Variants in COL22A1 observed in about 807,000 individuals in gnomAD.
COL22A1 encodes the protein collagen type XXII alpha 1 chain.
A neutral mutation model predicts 248.9 loss-of-function variants in COL22A1; 221 were observed. That is an observed-to-expected ratio of 0.89 (90% CI 0.80 to 0.99). COL22A1 has a LOEUF of 0.99. COL22A1 is among the 50% of genes least tolerant of loss of function. The pLI is 0.00. For missense variants in COL22A1, 2,240 were observed against 2,179.0 expected (o/e 1.03, Z -0.56); for synonymous variants, 891 against 793.4 (o/e 1.12, Z -2.07).
chr8:138,597,112 A>C (rs1289489600), intron 61 of COL22A1, 142 bp from the exon 62 acceptor site: 1 of 653,464 alleles, frequency 1.5e-6, no homozygotes, highest in Admixed American at 2.5e-5. Context: ...AATCTTTTCC[A>C]CATCTCTAAT....
At chr8:138,812,453 G>C (rs1194057659) in intron 8 of COL22A1, among the ~76,000 whole-genome samples, 1 of 152,186 alleles carries the variant, frequency 6.6e-6, no homozygotes, top group Non-Finnish European at 1.5e-5. Context: ...GGCAAAGAGG[G>C]TTGGAAAGGG....
chr8:138,761,011 T>A (rs1320275), intron 17 of COL22A1, among the ~76,000 whole-genome samples: 8,388 of 152,214 alleles, frequency 0.055, 746 homozygotes, highest in African/African-American at 0.18. Flanking sequence ...GAGGGCTTTG[T>A]ATAGGAAAAG....
In COL22A1 at chr8:138,805,234, G is replaced by A. The variant is rs183911903; in HGVS notation, c.1495-2300C>T. On this transcript the variant is annotated intron_variant, in intron 10 of 64. Coordinates refer to ENST00000303045, the MANE Select transcript of COL22A1 (RefSeq NM_152888.3). ...GGTGTGTGTGCATGTGTGTGAGATGGTGTGTGATGGTGTCTGATGATGTGA... is the reference window on the plus strand; with the variant it reads ...GGTGTGTGTGCATGTGTGTGAGATGATGTGTGATGGTGTCTGATGATGTGA... 2.8e-3 allele frequency among the ~76,000 whole-genome samples: 412 copies of A among 148,216 alleles called. 4 individuals carry two copies. Among genetic ancestry groups the A allele is most frequent in the African/African-American group, 9.8e-3 (393 of 40,076 alleles).
chr8:138,898,723 G>A (rs541891155), intron 1 of COL22A1, among the ~76,000 whole-genome samples: 5 of 152,202 alleles, frequency 3.3e-5, no homozygotes, highest in East Asian at 1.9e-4. Flanking sequence ...TAGAACATAC[G>A]TTCTGTAGCC....
chr8:138,761,296 G>T (rs1300035330), intron 17 of COL22A1, among the ~76,000 whole-genome samples: 1 of 152,130 alleles, frequency 6.6e-6, no homozygotes, highest in Non-Finnish European at 1.5e-5. Context: ...ACTGCACGAT[G>T]GATATTTTTA....
intron 32 of COL22A1, among the ~76,000 whole-genome samples, chr8:138,697,563 C>T (rs567725577): frequency 1.3e-5 from 2 of 152,334 alleles, no homozygotes; most frequent in Non-Finnish European, 2.9e-5. Context: ...AAACCACCAG[C>T]ACCCTGTCAC....
intron 30 of COL22A1, among the ~76,000 whole-genome samples, chr8:138,711,506 C>A (rs1828964133): frequency 6.6e-6 from 1 of 152,174 alleles, no homozygotes; most frequent in Admixed American, 6.5e-5. Flanking sequence ...TCTCGCTAAG[C>A]CTTTGCATTC....
At position 138,589,218 on chromosome 8, in the gene COL22A1, A is replaced by C. The variant is rs1249115470; in HGVS notation, c.*35T>G. 1 of 1,603,994 alleles carries C rather than the reference A, an allele frequency of 6.2e-7. No homozygotes were observed. Among genetic ancestry groups the C allele is most frequent in the Non-Finnish European group, 8.5e-7 (1 of 1,174,658 alleles). ...ACTGGGCTCTGAGTTCAAGTTTCAG[A>C]AATCCACTGCAGTCTTCTGGCTTTC... On this transcript the variant is annotated 3_prime_UTR_variant, in exon 65 of 65. Coordinates refer to ENST00000303045, the MANE Select transcript of COL22A1 (RefSeq NM_152888.3).
chr8:138,723,191 G>A (rs1212557286), intron 25 of COL22A1, among the ~76,000 whole-genome samples: 5 of 152,128 alleles, frequency 3.3e-5, no homozygotes, highest in Non-Finnish European at 5.9e-5. Flanking sequence ...AAAAGTGAAC[G>A]TTTTTTATAA....
intron 1 of COL22A1, among the ~76,000 whole-genome samples, chr8:138,905,494 C>T (rs1220690855): frequency 4.6e-5 from 7 of 152,128 alleles, no homozygotes; most frequent in Admixed American, 3.9e-4. Flanking sequence ...ACCGGGAAAC[C>T]TCAGGCAACC....
At chr8:138,675,775 T>C (rs914947464) in intron 41 of COL22A1, among the ~76,000 whole-genome samples, 1 of 152,216 alleles carries the variant, frequency 6.6e-6, no homozygotes, top group African/African-American at 2.4e-5. Flanking sequence ...TATGTGTTCT[T>C]TGTGGTACAA....
rs560880920 is a variant in COL22A1 at position 138,822,842 on chromosome 8, C to T, written c.970-1431G>A. ...CCCCAGTTCTTTGGACATATATCCT[C>T]CTCTGTGACTCTAGAACTCACCATC... On this transcript the variant is annotated intron_variant, in intron 6 of 64. Coordinates refer to ENST00000303045, the MANE Select transcript of COL22A1 (RefSeq NM_152888.3). Among the ~76,000 whole-genome samples, 31 of 152,294 alleles carry T rather than the reference C, an allele frequency of 2.0e-4. 1 individual carries two copies. The South Asian group carries it at 6.4e-3, about 32-fold the overall frequency.
intron 1 of COL22A1, among the ~76,000 whole-genome samples, chr8:138,889,007 T>C (rs1019385833): frequency 3.3e-5 from 5 of 152,214 alleles, no homozygotes; most frequent in Admixed American, 1.3e-4. Flanking sequence ...CAAGGAACTA[T>C]GAAAGTAACT....
In COL22A1 at chr8:138,741,673, T is replaced by C. The variant is rs371941080; in HGVS notation, c.2086-4096A>G. The stretch of plus-strand genomic sequence containing the variant: ...AGTAAGAGTCATATTCTGGCTCCTT[T>C]GTGTTCTTGTAGTGGGTGATAGACT... On this transcript the variant is annotated intron_variant, in intron 22 of 64. Transcript: ENST00000303045. Among the ~76,000 whole-genome samples the C allele has an allele frequency of 7.9e-5, 12 of 152,372 alleles. No individual in the cohort carries two copies. The East Asian group carries it at 1.2e-3, about 15-fold the overall frequency.
At chr8:138,745,561 T>G (rs769127722) in intron 22 of COL22A1, among the ~76,000 whole-genome samples, 2 of 152,110 alleles carry the variant, frequency 1.3e-5, no homozygotes, top group Non-Finnish European at 2.9e-5. Context: ...TTACTGTGGT[T>G]ATAAAAATAA....
chr8:138,685,996 C>T (rs1381530267), intron 37 of COL22A1, among the ~76,000 whole-genome samples: 7 of 152,094 alleles, frequency 4.6e-5, no homozygotes, highest in African/African-American at 1.2e-4. Flanking sequence ...CCTCTGGGAG[C>T]GGAGACCTCA....
At chr8:138,666,793 G>A (rs548074288) in intron 41 of COL22A1, among the ~76,000 whole-genome samples, 1 of 152,286 alleles carries the variant, frequency 6.6e-6, no homozygotes, top group South Asian at 2.1e-4. Context: ...TTTACCATAC[G>A]AGGCTCCAGG....
At chr8:138,664,127 C>T (rs537396780) in intron 41 of COL22A1, among the ~76,000 whole-genome samples, 1 of 150,996 alleles carries the variant, frequency 6.6e-6, no homozygotes, top group African/African-American at 2.4e-5. Context: ...TGATAACGAC[C>T]ACATTCCCCA....
chr8:138,764,385 G>A (rs1363721036), intron 16 of COL22A1, among the ~76,000 whole-genome samples: 1 of 152,218 alleles, frequency 6.6e-6, no homozygotes, highest in Non-Finnish European at 1.5e-5. Context: ...CTACTGCCCA[G>A]GATGGGCAGG....
Sources: gnomAD v4.1 joint callset for allele counts (sites outside exome capture counted in the v4.1 genomes callset) on GRCh38, gnomAD v4.1.1 for gene constraint, MANE v1.5 for transcripts, NCBI Gene and HGNC (gene_info 2026-07-23, HGNC 2026-07-21) for gene names.